The following ZDHHC14 variants were observed in gnomAD, a reference collection of about 807,000 sequenced individuals.
The protein encoded by ZDHHC14 is zDHHC palmitoyltransferase 14.
In ZDHHC14, 16 loss-of-function variants were observed where a neutral mutation model predicts 47.7. The observed-to-expected ratio is 0.34, with a 90% CI of 0.23 to 0.51. The LOEUF is 0.51. Ranked by LOEUF, ZDHHC14 falls within the 20% of genes least tolerant of loss-of-function variation. The pLI is 0.97. For synonymous variants in ZDHHC14, 293 were observed against 278.9 expected (o/e 1.05, Z -0.50); for missense variants, 515 against 662.5 (o/e 0.78, Z 2.44).
At position 157,606,058 on chromosome 6, in the gene ZDHHC14, C is replaced by T. The variant is rs760915523; in HGVS notation, c.565+12912C>T. Among the ~76,000 whole-genome samples the T allele has an allele frequency of 4.6e-5, 7 of 152,156 alleles. No homozygotes were observed. In the South Asian group the frequency reaches 8.3e-4, roughly 18 times the overall value. Reference sequence around the variant, plus strand: ...TTCTGTCATATGTGTATATGAAGATCGCATTACTCTCCTGAAATTATACTA... The same window carrying T: ...TTCTGTCATATGTGTATATGAAGATTGCATTACTCTCCTGAAATTATACTA... On this transcript the variant is annotated intron_variant, in intron 3 of 8. Transcript: ENST00000359775.
intron 1 of ZDHHC14, among the ~76,000 whole-genome samples, chr6:157,409,126 G>A (rs953047219): frequency 6.6e-6 from 1 of 152,218 alleles, no homozygotes; most frequent in Non-Finnish European, 1.5e-5. Context: ...AAGGACACTG[G>A]GGAAATGAGT....
At chr6:157,585,425 A>C (rs576167190) in intron 2 of ZDHHC14, among the ~76,000 whole-genome samples, 22 of 151,894 alleles carry the variant, frequency 1.4e-4, no homozygotes, top group Non-Finnish European at 2.2e-4. Context: ...AAAAAAAAAA[A>C]AAAAACCCAA....
chr6:157,573,154 CCTTT>C (rs1162286246), intron 2 of ZDHHC14, among the ~76,000 whole-genome samples: 11 of 152,174 alleles, frequency 7.2e-5, no homozygotes, highest in Non-Finnish European at 2.9e-5. Context: ...TCGCCATCCC[CCTTT>C]CTTTCGGCCC....
chr6:157,410,321 A>T (rs1349364584), intron 1 of ZDHHC14, among the ~76,000 whole-genome samples: 1 of 152,208 alleles, frequency 6.6e-6, no homozygotes, highest in East Asian at 1.9e-4. Context: ...TGGAAAAAAT[A>T]AATAGGGCTG....
chr6:157,418,052 C>G (rs964084228), intron 1 of ZDHHC14, among the ~76,000 whole-genome samples: 2 of 152,144 alleles, frequency 1.3e-5, no homozygotes, highest in Non-Finnish European at 1.5e-5. Context: ...AGGCACTTTC[C>G]TCCTCTGCAC....
chr6:157,629,804 A>G lies in ZDHHC14; in HGVS notation c.703+1318A>G, dbSNP rs976359077. 5 of 152,120 alleles carry G rather than the reference A, an allele frequency of 3.3e-5. No individual in the cohort carries two copies. In the South Asian group the frequency reaches 8.3e-4, roughly 25 times the overall value. The allele number at this position is 152,120 out of a possible 1,614,324, so 9.4% of individuals were successfully genotyped here. ...AGGGGCACCCTCTCCCTCTATTTTC[A>G]AAGTCCTCAAAATGGCAAAAATGTG... On this transcript the variant is annotated intron_variant, in intron 4 of 8. Coordinates refer to ENST00000359775, the MANE Select transcript of ZDHHC14 (RefSeq NM_024630.3).
chr6:157,495,778 C>A (rs1780049366), intron 1 of ZDHHC14, among the ~76,000 whole-genome samples: 1 of 142,938 alleles, frequency 7.0e-6, no homozygotes, highest in Non-Finnish European at 1.5e-5. Flanking sequence ...AATCTCAGCT[C>A]ACTGCAACCT....
chr6:157,567,240 G>A (rs554736208), intron 2 of ZDHHC14, among the ~76,000 whole-genome samples: 1 of 152,278 alleles, frequency 6.6e-6, no homozygotes, highest in South Asian at 2.1e-4. Flanking sequence ...GGCTGGGGCA[G>A]ATGCAAAAAC....
intron 1 of ZDHHC14, among the ~76,000 whole-genome samples, chr6:157,482,138 C>T (rs1214950163): frequency 6.6e-6 from 1 of 151,984 alleles, no homozygotes; most frequent in Non-Finnish European, 1.5e-5. Flanking sequence ...CTGAGAGTTG[C>T]GGTTTTCTGG....
At chr6:157,412,179 T>A (rs1246824337) in intron 1 of ZDHHC14, among the ~76,000 whole-genome samples, 1 of 152,160 alleles carries the variant, frequency 6.6e-6, no homozygotes, top group Non-Finnish European at 1.5e-5. Context: ...CCTCAAGTGA[T>A]CTGCTCTCCT....
In ZDHHC14 at chr6:157,382,150, C is replaced by G. The variant is rs1432526812; in HGVS notation, c.129C>G (p.Phe43Leu). 1.2e-6 allele frequency: 2 copies of G among 1,613,566 alleles called. No homozygotes were observed. The highest frequency in any genetic ancestry group is 2.7e-5 in the African/African-American group (2 of 74,868). Residue 43 changes from phenylalanine to leucine, a missense_variant, in exon 1 of 9, where the codon TTC becomes TTG. By Grantham distance (22) the Phe-to-Leu change is conservative. Coordinates refer to ENST00000359775, the MANE Select transcript of ZDHHC14 (RefSeq NM_024630.3). Reference sequence around the variant, plus strand: ...CGGCCCGGAGGAAATGGGAGGTGTTCCCGGGAAGAAACAAGTTCTTCTGTA... The same window carrying G: ...CGGCCCGGAGGAAATGGGAGGTGTTGCCGGGAAGAAACAAGTTCTTCTGTA... Reference protein sequence around the residue: ...KIAARRKWEVFPGRNKFFCNG... With the variant: ...KIAARRKWEVLPGRNKFFCNG...
intron 1 of ZDHHC14, among the ~76,000 whole-genome samples, chr6:157,480,549 G>A (rs1779601988): frequency 6.6e-6 from 1 of 152,226 alleles, no homozygotes; most frequent in Admixed American, 6.5e-5. Context: ...TTACAGGCGT[G>A]AGTCACTGTG....
chr6:157,526,689 C>T (rs560428925), intron 1 of ZDHHC14, among the ~76,000 whole-genome samples: 21 of 152,174 alleles, frequency 1.4e-4, no homozygotes, highest in Admixed American at 3.3e-4. Flanking sequence ...CCTACATGGC[C>T]CTACGTCTGT....
rs144757705 is a variant in ZDHHC14, at chr6:157,556,522, G to C, written c.406+13777G>C. On this transcript the variant is annotated intron_variant, in intron 2 of 8. Coordinates refer to ENST00000359775, the MANE Select transcript of ZDHHC14 (RefSeq NM_024630.3). ...GCCCTCACTGTGCTGTTTGGTAGGG[G>C]TTAAGGCAGTGCCAGGGGATGGAGC... 2.7e-3 allele frequency among the ~76,000 whole-genome samples: 414 copies of C among 152,370 alleles called. 3 individuals are homozygous for C. The highest frequency in any genetic ancestry group is 9.4e-3 in the African/African-American group (390 of 41,588).
intron 2 of ZDHHC14, among the ~76,000 whole-genome samples, chr6:157,562,142 A>G (rs905916): frequency 0.61 from 92,655 of 152,080 alleles, 29,551 homozygotes; most frequent in African/African-American, 0.81. Flanking sequence ...CAGACGGAGC[A>G]GCTGCAGCCT....
intron 1 of ZDHHC14, among the ~76,000 whole-genome samples, chr6:157,408,546 TG>T: frequency 6.6e-6 from 1 of 152,160 alleles, no homozygotes; most frequent in East Asian, 1.9e-4. Flanking sequence ...TGAGAACATG[TG>T]GTGTTCGGTT....
chr6:157,425,136 C>T (rs540454247), intron 1 of ZDHHC14, among the ~76,000 whole-genome samples: 3 of 152,306 alleles, frequency 2.0e-5, no homozygotes, highest in Admixed American at 6.5e-5. Context: ...AAGTTTTCTG[C>T]GTCCCTCAGG....
intron 1 of ZDHHC14, among the ~76,000 whole-genome samples, chr6:157,440,162 T>TTAA (rs199803371): frequency 0.14 from 20,241 of 147,894 alleles, 2,058 homozygotes; most frequent in African/African-American, 0.29. Context: ...CCCTGGAACT[T>TTAA]TAATAATAAT....
At chr6:157,517,600 C>T (rs961312952) in intron 1 of ZDHHC14, among the ~76,000 whole-genome samples, 17 of 152,090 alleles carry the variant, frequency 1.1e-4, no homozygotes, top group Admixed American at 5.9e-4. Context: ...CTTGAGCCAC[C>T]GCGCCTGGCC....
Sources: gnomAD v4.1 joint callset for allele counts (sites outside exome capture counted in the v4.1 genomes callset) on GRCh38, gnomAD v4.1.1 for gene constraint, MANE v1.5 for transcripts, NCBI Gene and HGNC (gene_info 2026-07-23, HGNC 2026-07-21) for gene names.